Variants in STX11 observed in about 807,000 individuals in gnomAD.
STX11 encodes syntaxin-11.
STX11 carries 21 observed loss-of-function variants against 19.9 expected under a neutral mutation model. The observed-to-expected ratio is 1.06, with a 90% CI of 0.75 to 1.52. STX11 has a LOEUF of 1.52. Ranked by LOEUF, STX11 falls within the 40% of genes most tolerant of loss-of-function variation. The probability of loss-of-function intolerance (pLI) is 0.00; values close to 1 mark genes in which losing one functional copy is unlikely to be tolerated. For synonymous variants in STX11, 193 were observed against 174.4 expected, an observed-to-expected ratio of 1.11 and a Z score of -0.84; for missense variants, 438 against 405.9, an observed-to-expected ratio of 1.08 and a Z score of -0.68.
In STX11 at chr6:144,159,478, A is replaced by G. The variant is rs1318969616; in HGVS notation, c.-6+8775A>G. ...GGTTACAAGAGACTACTTTTTAACA[A>G]AGGAAGATCTTTTGGTTGAGCTAGT... On this transcript the variant is annotated intron_variant, in intron 1 of 1. Coordinates refer to ENST00000367568, the MANE Select transcript of STX11 (RefSeq NM_003764.4). The surrounding 1 kb of genome is among the most constrained non-coding windows in gnomAD (Gnocchi z 4.3). 1.3e-5 allele frequency among the ~76,000 whole-genome samples: 2 copies of G among 151,840 alleles called. No individual in the cohort carries two copies. The highest frequency in any genetic ancestry group is 4.8e-5 in the African/African-American group (2 of 41,278).
At chr6:144,156,031 CT>C (rs1801150825) in intron 1 of STX11, among the ~76,000 whole-genome samples, 1 of 128,536 alleles carries the variant, frequency 7.8e-6, no homozygotes, top group African/African-American at 3.2e-5. Context: ...TCTCTCCTTC[CT>C]TCCTTCCTTC....
At chr6:144,147,845 G>A (rs1327131687), upstream of STX11, among the ~76,000 whole-genome samples, 7 of 152,126 alleles carry the variant, frequency 4.6e-5, no homozygotes, top group East Asian at 9.6e-4. The surrounding 1 kb of genome is among the most constrained non-coding windows in gnomAD (Gnocchi z 4.2). Context: ...GGTCGAGGCT[G>A]CAGGGAACCA....
intron 1 of STX11, among the ~76,000 whole-genome samples, chr6:144,168,824 A>G (rs941187128): frequency 6.6e-6 from 1 of 152,234 alleles, no homozygotes; most frequent in African/African-American, 2.4e-5. Context: ...GCATTATTTA[A>G]TCCTCATTGA....
rs932913046 is a variant in STX11, at chr6:144,189,976, A to G, written c.*2485A>G. On this transcript the variant is annotated 3_prime_UTR_variant, in exon 2 of 2. Coordinates refer to ENST00000367568, the MANE Select transcript of STX11 (RefSeq NM_003764.4). ...AAAACGAAGAGTTCATAAATTTGACATGTTTGAACCCATAAAGCATTTTCT... is the reference window on the plus strand; with the variant it reads ...AAAACGAAGAGTTCATAAATTTGACGTGTTTGAACCCATAAAGCATTTTCT... Among the ~76,000 whole-genome samples, 1 of 152,238 alleles carries G rather than the reference A, an allele frequency of 6.6e-6. No individual in the cohort carries two copies. The highest frequency in any genetic ancestry group is 2.4e-5 in the African/African-American group (1 of 41,470).
chr6:144,143,966 A>C, the STX11 span, among the ~76,000 whole-genome samples: 1 of 152,206 alleles, frequency 6.6e-6, no homozygotes, highest in African/African-American at 2.4e-5. Flanking sequence ...GTAAGAAAAA[A>C]ACATATTTTC....
In STX11 at chr6:144,190,855, A is replaced by G. The variant is rs1046370434; in HGVS notation, c.*3364A>G. Among the ~76,000 whole-genome samples the G allele has an allele frequency of 1.3e-5, 2 of 152,154 alleles. No individual in the cohort carries two copies. Among genetic ancestry groups the G allele is most frequent in the African/African-American group, 4.8e-5 (2 of 41,436 alleles). On this transcript the variant is annotated 3_prime_UTR_variant, in exon 2 of 2. Coordinates refer to ENST00000367568, the MANE Select transcript of STX11 (RefSeq NM_003764.4). The stretch of plus-strand genomic sequence containing the variant: ...GCCCACTGCACGTCCTGGCCTATTC[A>G]CCAAAGCCCTTCCTGGCTCTGACTG...
At chr6:144,163,676 G>C (rs1051818517) in intron 1 of STX11, among the ~76,000 whole-genome samples, 1 of 152,000 alleles carries the variant, frequency 6.6e-6, no homozygotes, top group African/African-American at 2.4e-5. Flanking sequence ...GTAGAGACAG[G>C]GTTTCTCCAT....
intron 1 of STX11, among the ~76,000 whole-genome samples, chr6:144,166,327 C>G (rs1337709850): frequency 6.6e-6 from 1 of 152,112 alleles, no homozygotes; most frequent in East Asian, 1.9e-4. Context: ...AACATTAAGT[C>G]TTAAAGACAT....
In STX11 at chr6:144,186,764, G is replaced by C. The variant is rs767769324; in HGVS notation, c.137G>C (p.Arg46Pro). Reference protein sequence around the residue: ...ETDHILESLYRDIRDIQDENQ... With the variant: ...ETDHILESLYPDIRDIQDENQ... ...GACCACATCCTGGAGTCCCTGTACC[G>C]AGACATCCGGGACATTCAGGATGAA... Residue 46 changes from arginine (R) to proline (P), a missense_variant, in exon 2 of 2, where the codon CGA becomes CCA. Arg to Pro is a moderately radical substitution (Grantham distance 103). Coordinates refer to ENST00000367568, the MANE Select transcript of STX11 (RefSeq NM_003764.4). 3 of 1,613,944 alleles carry C rather than the reference G, an allele frequency of 1.9e-6. No homozygotes were observed.
rs112961220 is a variant in STX11, at chr6:144,169,960, G to A, written c.-5-16663G>A. Among the ~76,000 whole-genome samples the A allele has an allele frequency of 6.6e-6, 1 of 152,188 alleles. No individual in the cohort carries two copies. The highest frequency in any genetic ancestry group is 1.5e-5 in the Non-Finnish European group (1 of 68,040). The stretch of plus-strand genomic sequence containing the variant: ...CCCAACACACTGAGATTACAGGTGT[G>A]AGCCACCATGCATGGAGTGTTTACT... On this transcript the variant is annotated intron_variant, in intron 1 of 1. Coordinates refer to ENST00000367568, the MANE Select transcript of STX11 (RefSeq NM_003764.4). This position sits in a 1 kb window ranked among gnomAD's most constrained non-coding sequence, Gnocchi z 5.2.
chr6:144,162,643 G>A lies in STX11; in HGVS notation c.-6+11940G>A, dbSNP rs1309966214. On this transcript the variant is annotated intron_variant, in intron 1 of 1. Coordinates refer to ENST00000367568, the MANE Select transcript of STX11 (RefSeq NM_003764.4). This position sits in a 1 kb window ranked among gnomAD's most constrained non-coding sequence, Gnocchi z 4.6. ...CATAGAGGATGGATCATAGGCATGGGATGTTTTGATGGACAAATTTGAATT... is the reference window on the plus strand; with the variant it reads ...CATAGAGGATGGATCATAGGCATGGAATGTTTTGATGGACAAATTTGAATT... Among the ~76,000 whole-genome samples, 1 of 152,200 alleles carries A rather than the reference G, an allele frequency of 6.6e-6. No individual in the cohort carries two copies. The highest frequency in any genetic ancestry group is 6.5e-5 in the Admixed American group (1 of 15,276).
At chr6:144,171,588 G>T (rs989341803) in intron 1 of STX11, among the ~76,000 whole-genome samples, 1 of 152,162 alleles carries the variant, frequency 6.6e-6, no homozygotes, top group African/African-American at 2.4e-5. Flanking sequence ...GGTTAAAACT[G>T]CCAAGTATCT....
chr6:144,153,117 C>G lies in STX11; in HGVS notation c.-6+2414C>G, dbSNP rs578083684. On this transcript the variant is annotated intron_variant, in intron 1 of 1. Transcript: ENST00000367568. This position sits in a 1 kb window ranked among gnomAD's most constrained non-coding sequence, Gnocchi z 5.0. ...GCTTTTGAACTGGATGCCCAAGTAT[C>G]AAGGTTTCCAAGTTTCCCCAGTTTG... is the stretch of plus-strand genomic sequence containing the variant. Among the ~76,000 whole-genome samples, 2 of 152,182 alleles carry G rather than the reference C, an allele frequency of 1.3e-5. No homozygotes were observed. The highest frequency in any genetic ancestry group is 3.8e-4 in the East Asian group (2 of 5,196).
chr6:144,140,678 T>A, the STX11 span: 17 of 884,630 alleles, frequency 1.9e-5, no homozygotes, highest in Admixed American at 6.2e-5. Flanking sequence ...CTATAAACCA[T>A]CCGTGAAGAA....
At chr6:144,179,122 T>C (rs1801843205) in intron 1 of STX11, among the ~76,000 whole-genome samples, 1 of 152,140 alleles carries the variant, frequency 6.6e-6, no homozygotes, top group African/African-American at 2.4e-5. Flanking sequence ...ACATCTTATG[T>C]GGATGGTGGC....
chr6:144,177,370 A>G lies in STX11; in HGVS notation c.-5-9253A>G, dbSNP rs1482871261. Among the ~76,000 whole-genome samples the G allele has an allele frequency of 6.6e-6, 1 of 152,272 alleles. No homozygotes were observed. The highest frequency in any genetic ancestry group is 1.5e-5 in the Non-Finnish European group (1 of 68,046). On this transcript the variant is annotated intron_variant, in intron 1 of 1. Coordinates refer to ENST00000367568, the MANE Select transcript of STX11 (RefSeq NM_003764.4). This position sits in a 1 kb window ranked among gnomAD's most constrained non-coding sequence, Gnocchi z 4.4. ...ACTGTTTTAGTTTGTAAATACTAAT[A>G]GAGATACAAGTGGAAAAATTTGCAC...
chr6:144,179,132 C>G (rs1329233326), intron 1 of STX11, among the ~76,000 whole-genome samples: 1 of 152,090 alleles, frequency 6.6e-6, no homozygotes, highest in Non-Finnish European at 1.5e-5. Context: ...TGGATGGTGG[C>G]AGACAAAAAG....
rs1452365400 is a variant in STX11, at chr6:144,162,345, C to T, written c.-6+11642C>T. Among the ~76,000 whole-genome samples the T allele has an allele frequency of 1.3e-5, 2 of 152,206 alleles. No homozygotes were observed. Among genetic ancestry groups the T allele is most frequent in the East Asian group, 3.8e-4 (2 of 5,206 alleles). On this transcript the variant is annotated intron_variant, in intron 1 of 1. Coordinates refer to ENST00000367568, the MANE Select transcript of STX11 (RefSeq NM_003764.4). This position sits in a 1 kb window ranked among gnomAD's most constrained non-coding sequence, Gnocchi z 4.6. The stretch of plus-strand genomic sequence containing the variant: ...TTTAACTTTCTTAAATCTACTAGAC[C>T]AATTATCATTTATCCATTTGCTTCA...
At position 144,187,347 on chromosome 6, in the gene STX11, C is replaced by T. The variant is rs1397059547; in HGVS notation, c.720C>T (p.Asp240=). The change falls in exon 2 of 2, where the codon GAC becomes GAT. Residue 240 remains aspartate (D), a synonymous_variant. Coordinates refer to ENST00000367568, the MANE Select transcript of STX11 (RefSeq NM_003764.4). The surrounding 1 kb of genome is among the most constrained non-coding windows in gnomAD (Gnocchi z 5.6). ...CGGTGCTGGTGGAGAAGCAGGCCGA[C>T]ACCCTGAACGTCATCGAGCTCAACG... ...QMAVLVEKQA[D]TLNVIELNVQ... is the part of the protein sequence containing the mutation. 6.2e-7 allele frequency: 1 copy of T among 1,610,506 alleles called. No homozygotes were observed. Among genetic ancestry groups the T allele is most frequent in the South Asian group, 1.1e-5 (1 of 91,092 alleles).
Sources: gnomAD v4.1 joint callset for allele counts (sites outside exome capture counted in the v4.1 genomes callset) on GRCh38, gnomAD v4.1.1 for gene constraint, Gnocchi (gnomAD v3.1) non-coding constraint, MANE v1.5 for transcripts, NCBI Gene and HGNC (gene_info 2026-07-23, HGNC 2026-07-21) for gene names.